Variants in TMEM132D observed in about 807,000 individuals in gnomAD.
TMEM132D encodes transmembrane protein 132D, also known as mature OL transmembrane protein.
Under a neutral mutation model 62.3 loss-of-function variants are expected in TMEM132D, and 21 were observed. That is an observed-to-expected ratio of 0.34 (90% CI 0.24 to 0.49). The LOEUF (loss-of-function observed/expected upper bound fraction) is 0.49. Among genes scored for constraint, TMEM132D ranks in the 20% least tolerant of loss-of-function variants. The pLI is 0.99. For synonymous variants in TMEM132D, 621 were observed against 575.6 expected, an observed-to-expected ratio of 1.08 and a Z score of -1.13; for missense variants, 1,346 against 1,402.8, an observed-to-expected ratio of 0.96 and a Z score of 0.65.
intron 2 of TMEM132D, among the ~76,000 whole-genome samples, chr12:129,692,649 A>G (rs1213028699): frequency 6.6e-6 from 1 of 152,250 alleles, no homozygotes; most frequent in Admixed American, 6.5e-5. Flanking sequence ...CATAGACACC[A>G]TGGGATACTA....
intron 3 of TMEM132D, among the ~76,000 whole-genome samples, chr12:129,466,299 T>G (rs1212048340): frequency 0.11 from 1,589 of 14,234 alleles, 316 homozygotes; most frequent in African/African-American, 0.29. Context: ...TTTTTTTTTT[T>G]TTTTTTTTTT....
At chr12:129,543,898 GAC>G (rs1293559856) in intron 2 of TMEM132D, among the ~76,000 whole-genome samples, 1 of 152,090 alleles carries the variant, frequency 6.6e-6, no homozygotes, top group Non-Finnish European at 1.5e-5. Flanking sequence ...CCCCTCGATG[GAC>G]ACAGAGGTGG....
chr12:129,625,046 C>T (rs1410535479), intron 2 of TMEM132D, among the ~76,000 whole-genome samples: 1 of 152,210 alleles, frequency 6.6e-6, no homozygotes, highest in African/African-American at 2.4e-5. Flanking sequence ...CATTTTTCAA[C>T]CTGATTGGCA....
intron 5 of TMEM132D, among the ~76,000 whole-genome samples, chr12:129,106,598 T>C (rs999734806): frequency 2.6e-5 from 4 of 152,126 alleles, no homozygotes; most frequent in African/African-American, 9.7e-5. Flanking sequence ...TGAAAGACGT[T>C]TGTGGGCTTG....
intron 2 of TMEM132D, among the ~76,000 whole-genome samples, chr12:129,631,676 ATC>A (rs1879348922): frequency 6.6e-6 from 1 of 152,214 alleles, no homozygotes; most frequent in African/African-American, 2.4e-5. Context: ...CTGGGAAAGG[ATC>A]ACCTAGAGAC....
At chr12:129,764,512 G>A (rs371658365) in intron 1 of TMEM132D, among the ~76,000 whole-genome samples, 1 of 152,244 alleles carries the variant, frequency 6.6e-6, no homozygotes, top group South Asian at 2.1e-4. Flanking sequence ...CAGTTTCTGA[G>A]AAATCAATAT....
At chr12:129,546,340 G>T (rs1196455995) in intron 2 of TMEM132D, among the ~76,000 whole-genome samples, 1 of 152,114 alleles carries the variant, frequency 6.6e-6, no homozygotes, top group African/African-American at 2.4e-5. Context: ...GTTGCTAAAT[G>T]AAATGCTATT....
intron 1 of TMEM132D, among the ~76,000 whole-genome samples, chr12:129,703,924 C>CAAAAAA (rs67547532): frequency 7.1e-6 from 1 of 140,950 alleles, no homozygotes. Context: ...CGGTAATAGG[C>CAAAAAA]AAAAAAAAAA....
intron 2 of TMEM132D, among the ~76,000 whole-genome samples, chr12:129,617,339 T>G (rs1446194742): frequency 6.6e-6 from 1 of 152,322 alleles, no homozygotes; most frequent in African/African-American, 2.4e-5. Flanking sequence ...GAAGGTCTTC[T>G]CCCACCTACT....
chr12:129,429,665 T>C (rs1478298062), intron 3 of TMEM132D, among the ~76,000 whole-genome samples: 1 of 151,656 alleles, frequency 6.6e-6, no homozygotes, highest in African/African-American at 2.4e-5. Flanking sequence ...ACATGTGCCA[T>C]GTTAGTGTGC....
chr12:129,802,847 G>T (rs1226810291), intron 1 of TMEM132D, among the ~76,000 whole-genome samples: 117 of 151,346 alleles, frequency 7.7e-4, no homozygotes, highest in African/African-American at 2.2e-3. Flanking sequence ...GAGGAAGATC[G>T]ACCAAGCAAA....
intron 2 of TMEM132D, among the ~76,000 whole-genome samples, chr12:129,608,593 T>G (rs1878688685): frequency 6.6e-6 from 1 of 152,228 alleles, no homozygotes; most frequent in African/African-American, 2.4e-5. Context: ...ATATCCACTG[T>G]TTCTGAAAAA....
chr12:129,541,338 C>A (rs1235621046), intron 2 of TMEM132D, among the ~76,000 whole-genome samples: 2 of 152,170 alleles, frequency 1.3e-5, no homozygotes, highest in Non-Finnish European at 2.9e-5. Context: ...CAGACCACCA[C>A]CCAACAACAG....
At chr12:129,493,042 A>G (rs1874847970) in intron 3 of TMEM132D, among the ~76,000 whole-genome samples, 1 of 152,134 alleles carries the variant, frequency 6.6e-6, no homozygotes, top group South Asian at 2.1e-4. Flanking sequence ...TAGGGAATCC[A>G]CGCCCTCCTA....
chr12:129,111,705 C>G (rs891097486), intron 5 of TMEM132D: 2 of 152,202 alleles, frequency 1.3e-5, no homozygotes, highest in Non-Finnish European at 2.9e-5. Flanking sequence ...CTTCCTCCCT[C>G]TCAGTCTCTC....
chr12:129,301,445 A>G (rs908501709), intron 4 of TMEM132D, among the ~76,000 whole-genome samples: 5 of 150,818 alleles, frequency 3.3e-5, no homozygotes, highest in Non-Finnish European at 7.4e-5. Flanking sequence ...GCAATGCTTA[A>G]AAAAAAAAGA....
At chr12:129,723,773 G>T (rs545210313) in intron 1 of TMEM132D, among the ~76,000 whole-genome samples, 1 of 152,262 alleles carries the variant, frequency 6.6e-6, no homozygotes, top group Admixed American at 6.5e-5. Flanking sequence ...TTGAAGCTGT[G>T]GTCAGTTCTG....
In TMEM132D at chr12:129,904,016, C is replaced by G. The variant is rs1875469821; in HGVS notation, c.-677G>C. The stretch of plus-strand genomic sequence containing the variant: ...GGGGCTCGCGGGGCTCTACGCGCGC[C>G]GAGCGCACTGCAGGCTCCGGAGACG... On this transcript the variant is annotated 5_prime_UTR_variant, in exon 1 of 9. Transcript: ENST00000422113. Among the ~76,000 whole-genome samples, 1 of 150,174 alleles carries G rather than the reference C, an allele frequency of 6.7e-6. No homozygotes were observed. The highest frequency in any genetic ancestry group is 2.1e-4 in the South Asian group (1 of 4,818).
chr12:129,373,565 G>A (rs1219817267), intron 3 of TMEM132D, among the ~76,000 whole-genome samples: 1 of 152,134 alleles, frequency 6.6e-6, no homozygotes, highest in Non-Finnish European at 1.5e-5. Flanking sequence ...CCGGGAGGCG[G>A]AGCTTGCAGT....
Sources: allele counts gnomAD v4.1 joint callset (sites outside exome capture counted in the v4.1 genomes callset), GRCh38; gene constraint gnomAD v4.1.1; transcripts MANE v1.5; gene names NCBI Gene and HGNC (gene_info 2026-07-23, HGNC 2026-07-21).